The following CD36 variants were observed in gnomAD, a reference collection of about 807,000 sequenced individuals.
CD36 encodes CD36 molecule (CD36 blood group), also known as platelet glycoprotein 4.
Under a neutral mutation model 55.2 loss-of-function variants are expected in CD36, and 119 were observed. That is an observed-to-expected ratio of 2.15 (90% confidence interval 1.86 to 2.51). CD36 has a LOEUF of 2.51. Among genes scored for constraint, CD36 ranks in the 30% most tolerant of loss-of-function variants. The pLI is 0.00. For synonymous variants in CD36, 186 were observed against 193.6 expected (o/e 0.96, Z 0.33); for missense variants, 819 against 555.5 (o/e 1.47, Z -4.77).
chr7:80,667,649 G>GTACTTGAT (rs57149211), intron 8 of CD36, among the ~76,000 whole-genome samples: 53,130 of 150,688 alleles, frequency 0.35, 10,590 homozygotes, highest in East Asian at 0.52. Context: ...CTTCGTATGC[G>GTACTTGAT]TACTTGATTC....
intron 1 of CD36, among the ~76,000 whole-genome samples, chr7:80,643,495 T>TG (rs1794950570): frequency 6.6e-6 from 1 of 152,168 alleles, no homozygotes; most frequent in African/African-American, 2.4e-5. Context: ...AATGTGACAC[T>TG]GGGGGTTTCC....
intron 1 of CD36, among the ~76,000 whole-genome samples, chr7:80,614,646 T>C (rs1429981811): frequency 6.6e-6 from 1 of 152,084 alleles, no homozygotes; most frequent in Non-Finnish European, 1.5e-5. Flanking sequence ...ACCATGACAC[T>C]GAAGTACTTC....
intron 1 of CD36, among the ~76,000 whole-genome samples, chr7:80,607,031 C>G (rs141809597): frequency 6.6e-6 from 1 of 152,124 alleles, no homozygotes; most frequent in Non-Finnish European, 1.5e-5. Context: ...TTGGGAAACA[C>G]AGGATTAAAC....
At chr7:80,659,364 G>T (rs1458900555) in intron 4 of CD36, among the ~76,000 whole-genome samples, 1 of 152,100 alleles carries the variant, frequency 6.6e-6, no homozygotes, top group Non-Finnish European at 1.5e-5. Flanking sequence ...GCACGAAATT[G>T]CTTGGGTTGA....
rs578173571 is a variant in CD36, at chr7:80,676,742, C to T, written c.*359C>T. On this transcript the variant is annotated 3_prime_UTR_variant, in exon 15 of 15. Transcript: ENST00000447544. ...AATGGACATCATTTTAGCACACTAG[C>T]GGTTTATATTTTAAGGACCTTCATT... is the stretch of plus-strand genomic sequence containing the variant. The T allele has an allele frequency of 2.0e-5, 3 of 151,758 alleles. No individual in the cohort carries two copies. Among genetic ancestry groups the T allele is most frequent in the Admixed American group, 6.6e-5 (1 of 15,236 alleles). The allele number at this position is 151,758 out of a possible 1,614,324, so 9.4% of individuals were successfully genotyped here.
At chr7:80,602,681 C>T (rs1456150812) in intron 1 of CD36, among the ~76,000 whole-genome samples, 2 of 152,100 alleles carry the variant, frequency 1.3e-5, no homozygotes, top group Non-Finnish European at 2.9e-5. Context: ...AAAACCCAAA[C>T]TTCTCGTGAC....
At chr7:80,618,598 G>A (rs183679211) in intron 1 of CD36, among the ~76,000 whole-genome samples, 106 of 152,300 alleles carry the variant, frequency 7.0e-4, no homozygotes, top group Non-Finnish European at 1.3e-3. Flanking sequence ...GGATAAGAAA[G>A]TCAAACTGCC....
intron 1 of CD36, among the ~76,000 whole-genome samples, chr7:80,615,379 G>A (rs919208954): frequency 4.6e-5 from 7 of 152,228 alleles, no homozygotes; most frequent in Non-Finnish European, 7.4e-5. Flanking sequence ...GTATCCACCT[G>A]TTTTCCTCAC....
chr7:80,645,641 T>C (rs919484487), intron 1 of CD36, among the ~76,000 whole-genome samples: 14 of 151,878 alleles, frequency 9.2e-5, no homozygotes, highest in African/African-American at 3.4e-4. Flanking sequence ...CAAAAAATAA[T>C]AATAATCACA....
At position 80,664,367 on chromosome 7, in the gene CD36, G is replaced by T. The variant is rs766460398; in HGVS notation, c.610-39G>T. 3.7e-6 allele frequency: 4 copies of T among 1,081,464 alleles called. No homozygotes were observed. In the South Asian group the frequency reaches 5.0e-5, roughly 13 times the overall value. The allele number at this position is 1,081,464 out of a possible 1,614,324, so 67.0% of individuals were successfully genotyped here. A position where few individuals can be genotyped will look rare whatever the true frequency, so the allele number is the denominator to read the frequency against. On this transcript the variant is annotated intron_variant, in intron 6 of 14. Coordinates refer to ENST00000447544, the MANE Select transcript of CD36 (RefSeq NM_001001548.3). ...ATGTATTGTACAACTTTGAAAAAATGACTTGTAGAAGTAACATTTTCCCAT... is the reference window on the plus strand; with the variant it reads ...ATGTATTGTACAACTTTGAAAAAATTACTTGTAGAAGTAACATTTTCCCAT...
At chr7:80,616,215 A>T (rs1321404633) in intron 1 of CD36, among the ~76,000 whole-genome samples, 2 of 152,166 alleles carry the variant, frequency 1.3e-5, no homozygotes, top group Non-Finnish European at 2.9e-5. Context: ...AGCCTAGCTT[A>T]TCTTATATGT....
intron 13 of CD36, 176 bp from the exon 14 acceptor site, chr7:80,673,807 C>T: frequency 1.5e-6 from 1 of 649,354 alleles, no homozygotes; most frequent in Non-Finnish European, 2.8e-6. Context: ...GTACCGTACT[C>T]TATCTGGCAC....
chr7:80,669,589 A>C (rs1797450974), intron 8 of CD36, among the ~76,000 whole-genome samples: 1 of 151,782 alleles, frequency 6.6e-6, no homozygotes, highest in Non-Finnish European at 1.5e-5. Context: ...TAGCTGAGGC[A>C]GGCCTATCCT....
intron 3 of CD36, 59 bp downstream of exon 3, chr7:80,646,919 T>C (rs763055165): frequency 1.9e-6 from 3 of 1,588,184 alleles, no homozygotes; most frequent in Admixed American, 3.3e-5. Flanking sequence ...TTCTCTTTTT[T>C]TGCTTTGTAT....
At chr7:80,602,908 T>G (rs1457066109) in intron 1 of CD36, among the ~76,000 whole-genome samples, 1 of 152,182 alleles carries the variant, frequency 6.6e-6, no homozygotes, top group Non-Finnish European at 1.5e-5. Flanking sequence ...TTTGGCTTGC[T>G]GTCACAACTG....
chr7:80,641,468 A>T (rs1794807879), intron 1 of CD36, among the ~76,000 whole-genome samples: 1 of 152,100 alleles, frequency 6.6e-6, no homozygotes. Flanking sequence ...TGTATTTTTT[A>T]GGTAAGGAAA....
In CD36 at chr7:80,669,950, C is replaced by T. The variant is rs761501280; in HGVS notation, c.749-3C>T. 6.2e-7 allele frequency: 1 copy of T among 1,608,684 alleles called. No homozygotes were observed. The highest frequency in any genetic ancestry group is 1.7e-5 in the Admixed American group (1 of 60,004). ...AATCATTTGCCACTCGATTTTTAAA[C>T]AGATGCAGCCTCATTTCCACCTTTT... On this transcript the variant is annotated splice_region_variant and splice_polypyrimidine_tract_variant and intron_variant, in intron 8 of 14. Coordinates refer to ENST00000447544, the MANE Select transcript of CD36 (RefSeq NM_001001548.3).
Position 80,676,548 on chromosome 7 carries a change from C to T in CD36, c.*165C>T, listed in dbSNP as rs1353036487. ...TCATCCCAGTAGCTGCCCTATTCAA[C>T]TGCAACAGTCTCCAGGACCATCAGT... is the stretch of plus-strand genomic sequence containing the variant. On this transcript the variant is annotated 3_prime_UTR_variant, in exon 15 of 15. Transcript: ENST00000447544. 6.6e-6 allele frequency: 1 copy of T among 152,214 alleles called. No individual in the cohort carries two copies. The highest frequency in any genetic ancestry group is 1.9e-4 in the East Asian group (1 of 5,194). The allele number at this position is 152,214 out of a possible 1,614,324, so 9.4% of individuals were successfully genotyped here. A position where few individuals can be genotyped will look rare whatever the true frequency, so the allele number is the denominator to read the frequency against.
chr7:80,672,947 A>G, intron 12 of CD36, 104 bp downstream of exon 12: 1 of 761,004 alleles, frequency 1.3e-6, no homozygotes, highest in South Asian at 1.5e-5. Context: ...ATAACATCTG[A>G]TATCAACTTA....
Sources: gnomAD v4.1 joint callset for allele counts (sites outside exome capture counted in the v4.1 genomes callset) on GRCh38, gnomAD v4.1.1 for gene constraint, MANE v1.5 for transcripts, NCBI Gene and HGNC (gene_info 2026-07-23, HGNC 2026-07-21) for gene names.